The following GAS7 variants were observed in gnomAD, a reference collection of about 807,000 sequenced individuals.
GAS7 encodes growth arrest-specific protein 7.
A neutral mutation model predicts 71.1 loss-of-function variants in GAS7; 28 were observed. The observed-to-expected ratio is 0.39, with a 90% confidence interval of 0.29 to 0.54. The LOEUF is 0.54. GAS7 is among the 20% of genes least tolerant of loss of function. The probability of loss-of-function intolerance (pLI) is 0.62; values close to 1 mark genes in which losing one functional copy is unlikely to be tolerated. For synonymous variants in GAS7, 258 were observed against 245.8 expected, an observed-to-expected ratio of 1.05 and a Z score of -0.46; for missense variants, 436 against 627.8, an observed-to-expected ratio of 0.69 and a Z score of 3.27.
At chr17:10,156,141 C>T (rs1439921116) in intron 1 of GAS7, among the ~76,000 whole-genome samples, 2 of 152,202 alleles carry the variant, frequency 1.3e-5, no homozygotes, top group Non-Finnish European at 2.9e-5. Context: ...CACAATGTCC[C>T]TCTCTTTCCA....
chr17:9,957,391 C>T (rs1194803840), intron 5 of GAS7, among the ~76,000 whole-genome samples: 11 of 152,184 alleles, frequency 7.2e-5, no homozygotes, highest in South Asian at 2.1e-4. Context: ...CAAGGGCCGC[C>T]ATCAGCCCCC....
At chr17:10,008,339 C>T (rs1047238372) in intron 2 of GAS7, among the ~76,000 whole-genome samples, 2 of 152,172 alleles carry the variant, frequency 1.3e-5, no homozygotes, top group Non-Finnish European at 2.9e-5. Flanking sequence ...ATATCTGAAC[C>T]ACATGCTGCT....
chr17:10,128,633 T>C (rs1047001555), intron 1 of GAS7, among the ~76,000 whole-genome samples: 4 of 141,418 alleles, frequency 2.8e-5, no homozygotes, highest in Non-Finnish European at 4.6e-5. Flanking sequence ...TCTTTTCTCT[T>C]TTTTTTTTTT....
At chr17:10,127,608 T>C (rs2073961040) in intron 1 of GAS7, among the ~76,000 whole-genome samples, 1 of 152,184 alleles carries the variant, frequency 6.6e-6, no homozygotes, top group African/African-American at 2.4e-5. Flanking sequence ...GAATTTTAAT[T>C]TTAAAGATAC....
rs1334863791 is a variant in GAS7, at chr17:9,969,156, T to TG, written c.471+520dup. ...GTTACTGACGCCTAACTCACATGTTTGCATAAACATCAAGTAGGATGGAGA... is the reference window on the plus strand; with the variant it reads ...GTTACTGACGCCTAACTCACATGTTTGGCATAAACATCAAGTAGGATGGAGA... On this transcript the variant is annotated intron_variant, in intron 4 of 13. Transcript: ENST00000432992. The surrounding 1 kb of genome is among the most constrained non-coding windows in gnomAD (Gnocchi z 5.5). 2.0e-5 allele frequency among the ~76,000 whole-genome samples: 3 copies of TG among 152,192 alleles called. No individual in the cohort carries two copies. In the East Asian group the frequency reaches 5.8e-4, roughly 29 times the overall value.
intron 7 of GAS7, among the ~76,000 whole-genome samples, chr17:9,940,521 C>A (rs1193080502): frequency 6.6e-6 from 1 of 152,186 alleles, no homozygotes; most frequent in Non-Finnish European, 1.5e-5. Context: ...ACCCCTGAAC[C>A]AATAAATGAA....
chr17:10,001,537 G>A (rs1215532284), intron 2 of GAS7, among the ~76,000 whole-genome samples: 4 of 152,144 alleles, frequency 2.6e-5, no homozygotes, highest in Non-Finnish European at 4.4e-5. Flanking sequence ...GCGCTCCCCT[G>A]CAGCGGCCAT....
At chr17:9,933,682 A>C (rs2068287175) in intron 9 of GAS7, among the ~76,000 whole-genome samples, 1 of 152,050 alleles carries the variant, frequency 6.6e-6, no homozygotes, top group Non-Finnish European at 1.5e-5. Flanking sequence ...CATCTCTACA[A>C]ATAAATAAAA....
At chr17:10,133,745 T>C (rs2074017468) in intron 1 of GAS7, among the ~76,000 whole-genome samples, 1 of 151,396 alleles carries the variant, frequency 6.6e-6, no homozygotes, top group Non-Finnish European at 1.5e-5. Flanking sequence ...ACTCTTTGCT[T>C]CTATGAGTTC....
intron 1 of GAS7, among the ~76,000 whole-genome samples, chr17:10,141,373 G>A (rs1404453827): frequency 3.9e-5 from 6 of 152,110 alleles, no homozygotes; most frequent in Non-Finnish European, 5.9e-5. Context: ...GTGTGAACCC[G>A]GGAGACGGAG....
chr17:9,997,239 C>T (rs150985177), intron 2 of GAS7, among the ~76,000 whole-genome samples: 2,037 of 8,828 alleles, frequency 0.23, 54 homozygotes, highest in African/African-American at 0.41. Context: ...TTAAAGGGGC[C>T]GGGCGGGTGG....
chr17:10,013,373 T>A (rs1170942621), intron 2 of GAS7, among the ~76,000 whole-genome samples: 1 of 152,338 alleles, frequency 6.6e-6, no homozygotes, highest in East Asian at 1.9e-4. Flanking sequence ...GGTCCCTGGA[T>A]GGGGTAGGCT....
intron 1 of GAS7, among the ~76,000 whole-genome samples, chr17:10,072,817 G>T (rs542275691): frequency 1.3e-5 from 2 of 152,162 alleles, no homozygotes; most frequent in East Asian, 3.9e-4. Context: ...CCCCAGGATT[G>T]GTGCATTAGT....
chr17:10,182,972 G>A (rs946796226), intron 1 of GAS7, among the ~76,000 whole-genome samples: 1 of 152,120 alleles, frequency 6.6e-6, no homozygotes, highest in Non-Finnish European at 1.5e-5. Context: ...CCAGGCAGCC[G>A]GAGGCCCATC....
In GAS7 at chr17:10,056,861, C is replaced by T. The variant is rs560776969; in HGVS notation, c.184-36964G>A. Among the ~76,000 whole-genome samples the T allele has an allele frequency of 7.9e-5, 12 of 152,286 alleles. 1 individual carries two copies. In the South Asian group the frequency reaches 2.1e-3, roughly 26 times the overall value. On this transcript the variant is annotated intron_variant, in intron 1 of 13. Transcript: ENST00000432992. The stretch of plus-strand genomic sequence containing the variant: ...CCGAGCCGAAGCTAGACTGTACTGC[C>T]GCCATCTCGACTCACTGCAACCTCC...
At chr17:10,079,839 A>G (rs2073438438) in intron 1 of GAS7, among the ~76,000 whole-genome samples, 1 of 152,220 alleles carries the variant, frequency 6.6e-6, no homozygotes, top group Non-Finnish European at 1.5e-5. Flanking sequence ...TTCATTGACA[A>G]CATCAAATTT....
chr17:10,029,974 C>T (rs748221776), intron 1 of GAS7, among the ~76,000 whole-genome samples: 6 of 152,168 alleles, frequency 3.9e-5, no homozygotes, highest in Non-Finnish European at 7.3e-5. Flanking sequence ...ACCTTCCTCC[C>T]GTCCCCATAG....
intron 1 of GAS7, among the ~76,000 whole-genome samples, chr17:10,035,174 A>C (rs1328325308): frequency 6.6e-6 from 1 of 151,620 alleles, no homozygotes; most frequent in Non-Finnish European, 1.5e-5. Context: ...CACCCCCATG[A>C]AGCACCCAAC....
rs567708847 is a variant in GAS7 at position 10,005,234 on chromosome 17, T to C, written c.304+14543A>G. 8.2e-5 allele frequency among the ~76,000 whole-genome samples: 9 copies of C among 109,220 alleles called. No homozygotes were observed. The South Asian group carries it at 2.5e-3, about 31-fold the overall frequency. The allele number at this position is 109,220 out of a possible 152,430, so 71.7% of individuals were successfully genotyped here. A position where few individuals can be genotyped will look rare whatever the true frequency, so the allele number is the denominator to read the frequency against. ...ATGTGCGCGTGTGCATGTATGTGTA[T>C]GTGCGCGCATGCATGTGTGTGCACA... On this transcript the variant is annotated intron_variant, in intron 2 of 13. Coordinates refer to ENST00000432992, the MANE Select transcript of GAS7 (RefSeq NM_201433.2).
Sources: allele counts gnomAD v4.1 joint callset (sites outside exome capture counted in the v4.1 genomes callset), GRCh38; gene constraint gnomAD v4.1.1; non-coding constraint Gnocchi (gnomAD v3.1); transcripts MANE v1.5; gene names NCBI Gene and HGNC (gene_info 2026-07-23, HGNC 2026-07-21).